SLC26A7: variants seen among roughly 807,000 people sequenced by gnomAD.
SLC26A7 encodes the protein solute carrier family 26 member 7.
In SLC26A7, 59 loss-of-function variants were observed where a neutral mutation model predicts 82.5. That is an observed-to-expected ratio of 0.72 (90% confidence interval 0.58 to 0.89). SLC26A7 has a LOEUF of 0.89. SLC26A7 is among the 40% of genes least tolerant of loss of function. The pLI, the probability that SLC26A7 is intolerant of heterozygous loss-of-function variation, is 0.00. For synonymous variants in SLC26A7, 271 were observed against 274.3 expected (o/e 0.99, Z 0.12); for missense variants, 820 against 793.0 (o/e 1.03, Z -0.41).
At chr8:91,362,180 C>T (rs1814068048) in intron 11 of SLC26A7, among the ~76,000 whole-genome samples, 173 bp from the exon 12 acceptor site, 1 of 152,000 alleles carries the variant, frequency 6.6e-6, no homozygotes, top group Non-Finnish European at 1.5e-5. Context: ...TCTGATGGAG[C>T]AGGATTTGTT....
At chr8:91,315,509 G>T (rs1812604184) in intron 4 of SLC26A7, among the ~76,000 whole-genome samples, 1 of 150,842 alleles carries the variant, frequency 6.6e-6, no homozygotes, top group South Asian at 2.1e-4. Context: ...TTGATTGCTT[G>T]GGTATTTCCC....
intron 4 of SLC26A7, among the ~76,000 whole-genome samples, chr8:91,306,871 AT>A (rs1812323505): frequency 6.6e-6 from 1 of 151,794 alleles, no homozygotes; most frequent in Non-Finnish European, 1.5e-5. Context: ...CACGCTAAAA[AT>A]GGGAGAAAAT....
At chr8:91,241,442 A>C (rs1205989430) in intron 2 of SLC26A7, among the ~76,000 whole-genome samples, 1 of 152,154 alleles carries the variant, frequency 6.6e-6, no homozygotes, top group Non-Finnish European at 1.5e-5. Context: ...TATAACAGTA[A>C]TTTGATTATT....
At chr8:91,246,635 G>T (rs534907472), upstream of SLC26A7, among the ~76,000 whole-genome samples, 3 of 152,126 alleles carry the variant, frequency 2.0e-5, no homozygotes, top group Admixed American at 1.3e-4. Flanking sequence ...GGAAGGTGGA[G>T]GTTGCAGTGG....
At chr8:91,364,355 G>A (rs963891646) in intron 13 of SLC26A7, among the ~76,000 whole-genome samples, 1 of 152,148 alleles carries the variant, frequency 6.6e-6, no homozygotes, top group African/African-American at 2.4e-5. Flanking sequence ...ACCAGAGTCA[G>A]GGTATTTCCA....
intron 2 of SLC26A7, among the ~76,000 whole-genome samples, chr8:91,270,019 T>TTAAGA (rs1231472211): frequency 1.4e-4 from 21 of 152,276 alleles, no homozygotes; most frequent in African/African-American, 4.3e-4. Flanking sequence ...TTTTGTGATT[T>TTAAGA]TTCTAAAATC....
At chr8:91,334,011 C>G (rs1029285884) in intron 5 of SLC26A7, among the ~76,000 whole-genome samples, 2 of 152,122 alleles carry the variant, frequency 1.3e-5, no homozygotes, top group African/African-American at 4.8e-5. Flanking sequence ...CTCTGCCCCT[C>G]AGAGTGTCAG....
chr8:91,247,407 A>C (rs1810559607), upstream of SLC26A7, among the ~76,000 whole-genome samples: 1 of 152,160 alleles, frequency 6.6e-6, no homozygotes, highest in Non-Finnish European at 1.5e-5. Flanking sequence ...TGTGTGAATA[A>C]ATTTCCTCAT....
chr8:91,356,684 G>C (rs1168089629), intron 11 of SLC26A7, among the ~76,000 whole-genome samples: 4 of 152,104 alleles, frequency 2.6e-5, no homozygotes, highest in African/African-American at 7.2e-5. Flanking sequence ...TAGGTTGTCT[G>C]TTCACTCTGA....
At chr8:91,386,033 A>G (rs1027723290) in intron 15 of SLC26A7, among the ~76,000 whole-genome samples, 2 of 152,156 alleles carry the variant, frequency 1.3e-5, no homozygotes, top group African/African-American at 4.8e-5. Context: ...GAAGCACTGA[A>G]TTGATGGAAA....
intron 1 of SLC26A7, among the ~76,000 whole-genome samples, chr8:91,216,223 A>G (rs1215882782): frequency 1.3e-5 from 2 of 152,142 alleles, no homozygotes; most frequent in East Asian, 3.8e-4. Flanking sequence ...TAATTAACTA[A>G]ACAATGTTTC....
At chr8:91,335,437 A>G (rs1346993080) in intron 6 of SLC26A7, among the ~76,000 whole-genome samples, 1 of 152,202 alleles carries the variant, frequency 6.6e-6, no homozygotes. Context: ...CCATAAAAAT[A>G]CAGAGTACTA....
chr8:91,296,005 C>G (rs1296174841), intron 4 of SLC26A7, among the ~76,000 whole-genome samples: 1 of 152,154 alleles, frequency 6.6e-6, no homozygotes, highest in African/African-American at 2.4e-5. Flanking sequence ...GAGGCAATCC[C>G]TGTGTCCACA....
chr8:91,395,357 T>C lies in SLC26A7; in HGVS notation c.*260T>C, dbSNP rs1029291127. 11 of 683,142 alleles carry C rather than the reference T, an allele frequency of 1.6e-5. No individual in the cohort carries two copies. Among genetic ancestry groups the C allele is most frequent in the Non-Finnish European group, 2.0e-5 (10 of 494,108 alleles). 42.3% of individuals were successfully genotyped at this position (683,142 alleles called of 1,614,324 possible). A position where few individuals can be genotyped will look rare whatever the true frequency, so the allele number is the denominator to read the frequency against. On this transcript the variant is annotated 3_prime_UTR_variant, in exon 19 of 19. Transcript: ENST00000276609. ...GTTTTAGTGTACTGAAGGGTAAACA[T>C]GGTTTTATTTTATTTTACCATATTA...
chr8:91,368,436 T>C (rs1194475329), intron 14 of SLC26A7, among the ~76,000 whole-genome samples: 1 of 151,784 alleles, frequency 6.6e-6, no homozygotes, highest in Non-Finnish European at 1.5e-5. Flanking sequence ...TTTTTTTTTT[T>C]GAGACGGAGT....
intron 2 of SLC26A7, among the ~76,000 whole-genome samples, chr8:91,243,403 C>T (rs542821916): frequency 5.9e-5 from 9 of 152,160 alleles, no homozygotes; most frequent in African/African-American, 1.9e-4. Flanking sequence ...AAGATTGTCC[C>T]GTCCCATCTT....
In SLC26A7 at chr8:91,366,207, A is replaced by T. The variant is rs1401393171; in HGVS notation, c.1489-373A>T. Among the ~76,000 whole-genome samples the T allele has an allele frequency of 2.0e-5, 3 of 152,234 alleles. 1 individual carries two copies. In the South Asian group the frequency reaches 6.2e-4, roughly 31 times the overall value. On this transcript the variant is annotated intron_variant, in intron 13 of 18. Transcript: ENST00000276609. Reference sequence around the variant, plus strand: ...CCTTTATAACACATTTTCATTAAAAAAATACTGATGGTTAAGTAAATTAAT... The same window carrying T: ...CCTTTATAACACATTTTCATTAAAATAATACTGATGGTTAAGTAAATTAAT...
At chr8:91,213,287 A>G (rs529949470) in intron 1 of SLC26A7, among the ~76,000 whole-genome samples, 1 of 152,250 alleles carries the variant, frequency 6.6e-6, no homozygotes, top group East Asian at 1.9e-4. Context: ...GAATGACCAT[A>G]TAATGTGTCG....
At chr8:91,301,545 T>G (rs1812164906) in intron 4 of SLC26A7, among the ~76,000 whole-genome samples, 1 of 151,986 alleles carries the variant, frequency 6.6e-6, no homozygotes, top group Non-Finnish European at 1.5e-5. Context: ...AAAAAATTTA[T>G]TGTTTCAATG....
Sources: allele counts gnomAD v4.1 joint callset (sites outside exome capture counted in the v4.1 genomes callset), GRCh38; gene constraint gnomAD v4.1.1; transcripts MANE v1.5; gene names NCBI Gene and HGNC (gene_info 2026-07-23, HGNC 2026-07-21).